Variants in KRABD3 observed in about 807,000 individuals in gnomAD.
KRABD3 encodes KRAB domain-containing protein 3.
At chr7:149,732,251 G>A in the KRABD3 span, among the ~76,000 whole-genome samples, 1 of 152,174 alleles carries the variant, frequency 6.6e-6, no homozygotes, top group African/African-American at 2.4e-5. This position sits in a 1 kb window ranked among gnomAD's most constrained non-coding sequence, Gnocchi z 4.0. Flanking sequence ...CTGTCCAGGC[G>A]CCACCACTTT....
the KRABD3 span, chr7:149,723,838 G>A: frequency 1.2e-6 from 2 of 1,613,970 alleles, no homozygotes; most frequent in Non-Finnish European, 1.7e-6. Context: ...CTCAGGAGTG[G>A]GGAACCGACG....
chr7:149,723,858 G>A, the KRABD3 span: 1 of 1,613,828 alleles, frequency 6.2e-7, no homozygotes, highest in Non-Finnish European at 8.5e-7. Context: ...GGCTACAGGA[G>A]AATCCAGGAG....
chr7:149,728,755 T>C, the KRABD3 span: 48 of 1,460,222 alleles, frequency 3.3e-5, no homozygotes, highest in Non-Finnish European at 4.4e-5. Flanking sequence ...TGGGCTCAGA[T>C]CTGCTCCTGA....
the KRABD3 span, chr7:149,733,518 G>T: frequency 6.3e-7 from 1 of 1,592,210 alleles, no homozygotes; most frequent in Non-Finnish European, 8.5e-7. Context: ...TCCTGGATGT[G>T]GACCCTCCCA....
chr7:149,715,556 G>A, the KRABD3 span, among the ~76,000 whole-genome samples: 1 of 152,192 alleles, frequency 6.6e-6, no homozygotes, highest in African/African-American at 2.4e-5. Context: ...TGTGGGCTGT[G>A]ACGATGCTGG....
chr7:149,714,985 G>C, the KRABD3 span: 4 of 1,195,312 alleles, frequency 3.3e-6, no homozygotes, highest in Non-Finnish European at 4.2e-6. Flanking sequence ...CGCCGCCGAC[G>C]AGGGTCGCGT....
At chr7:149,731,560 C>A in the KRABD3 span, 1 of 875,848 alleles carries the variant, frequency 1.1e-6, no homozygotes, top group South Asian at 1.6e-5. Flanking sequence ...TCTTCTATCT[C>A]ATTTAATCAT....
At chr7:149,721,727 G>A in the KRABD3 span, 4 of 741,994 alleles carry the variant, frequency 5.4e-6, no homozygotes, top group Non-Finnish European at 9.5e-6. Context: ...CCACCAAAGA[G>A]GAGGCATGAT....
the KRABD3 span, chr7:149,725,771 A>G: frequency 9.9e-7 from 1 of 1,010,694 alleles, no homozygotes; most frequent in Non-Finnish European, 1.4e-6. Context: ...TGCCACAGGG[A>G]AACCCTAGTG....
the KRABD3 span, chr7:149,725,962 C>T: frequency 1.2e-6 from 2 of 1,605,358 alleles, no homozygotes; most frequent in South Asian, 1.1e-5. Flanking sequence ...CCCCTGGCCC[C>T]CCGAGGAACC....
the KRABD3 span, chr7:149,729,086 C>T: frequency 1.1e-5 from 10 of 919,886 alleles, no homozygotes; most frequent in Non-Finnish European, 1.1e-5. Flanking sequence ...TGCTGGTGTG[C>T]CTGAGAGCCC....
chr7:149,731,260 A>C, the KRABD3 span, among the ~76,000 whole-genome samples: 1 of 152,236 alleles, frequency 6.6e-6, no homozygotes, highest in Non-Finnish European at 1.5e-5. Flanking sequence ...CTCCATTTAC[A>C]GGCATTGGCC....
At chr7:149,720,967 A>G in the KRABD3 span, 4 of 1,613,526 alleles carry the variant, frequency 2.5e-6, no homozygotes, top group African/African-American at 2.7e-5. Flanking sequence ...GCCAGCCTGG[A>G]TGGAGAGAGA....
the KRABD3 span, among the ~76,000 whole-genome samples, chr7:149,718,244 T>A: frequency 6.6e-6 from 1 of 152,180 alleles, no homozygotes; most frequent in South Asian, 2.1e-4. Flanking sequence ...CTGTCTTTTT[T>A]AATTAATTAA....
At chr7:149,720,853 G>A in the KRABD3 span, 1 of 1,597,180 alleles carries the variant, frequency 6.3e-7, no homozygotes, top group South Asian at 1.1e-5. Flanking sequence ...CCCCGGCACA[G>A]CCTGCACCTC....
the KRABD3 span, among the ~76,000 whole-genome samples, chr7:149,723,187 C>T: frequency 2.0e-5 from 3 of 152,344 alleles, no homozygotes. Context: ...TCTCTTCCTC[C>T]TCCTGACTTG....
chr7:149,728,559 A>G, the KRABD3 span: 1 of 1,613,714 alleles, frequency 6.2e-7, no homozygotes, highest in Non-Finnish European at 8.5e-7. Flanking sequence ...CAGGGTCTGG[A>G]GAATTGTCTC....
At chr7:149,734,229 G>C in the KRABD3 span, 1 of 760,486 alleles carries the variant, frequency 1.3e-6, no homozygotes, top group Non-Finnish European at 2.1e-6. Context: ...TCAGGAGGCT[G>C]CTGTGGGGGT....
the KRABD3 span, among the ~76,000 whole-genome samples, chr7:149,732,140 G>T: frequency 6.6e-6 from 1 of 152,190 alleles, no homozygotes; most frequent in Non-Finnish European, 1.5e-5. This position sits in a 1 kb window ranked among gnomAD's most constrained non-coding sequence, Gnocchi z 4.0. Context: ...CATGCAGGGG[G>T]CCTGGCACCT....
Sources: gnomAD v4.1 joint callset for allele counts (sites outside exome capture counted in the v4.1 genomes callset) on GRCh38, gnomAD v4.1.1 for gene constraint, Gnocchi (gnomAD v3.1) non-coding constraint, MANE v1.5 for transcripts, NCBI Gene and HGNC (gene_info 2026-07-23, HGNC 2026-07-21) for gene names.